SDK1: variants seen among roughly 807,000 people sequenced by gnomAD.
SDK1 encodes the protein sidekick cell adhesion molecule 1.
In SDK1, 157 loss-of-function variants were observed where a neutral mutation model predicts 245.5. The observed-to-expected ratio is 0.64, with a 90% confidence interval of 0.56 to 0.73. The LOEUF is 0.73. Among genes scored for constraint, SDK1 ranks in the 30% least tolerant of loss-of-function variants. SDK1 has a pLI of 0.00. For missense variants in SDK1, 3,583 were observed against 3,002.3 expected, an observed-to-expected ratio of 1.19 and a Z score of -4.52; for synonymous variants, 1,647 against 1,278.5, an observed-to-expected ratio of 1.29 and a Z score of -6.15.
At chr7:3,714,576 A>C (rs911055781) in intron 4 of SDK1, among the ~76,000 whole-genome samples, 4 of 152,216 alleles carry the variant, frequency 2.6e-5, no homozygotes, top group African/African-American at 9.7e-5. Flanking sequence ...TAGCATTACT[A>C]CATTGTAACA....
At chr7:3,743,555 A>G (rs533512822) in intron 4 of SDK1, among the ~76,000 whole-genome samples, 3 of 152,308 alleles carry the variant, frequency 2.0e-5, no homozygotes, top group South Asian at 4.1e-4. Flanking sequence ...TGTCTACTTT[A>G]CCAGAATGGG....
chr7:3,882,994 AG>A, intron 5 of SDK1, among the ~76,000 whole-genome samples: 1 of 152,162 alleles, frequency 6.6e-6, no homozygotes, highest in Non-Finnish European at 1.5e-5. Context: ...GCTGGCTGGA[AG>A]GGCCGCCCAG....
chr7:4,124,989 G>A (rs1250112749), intron 25 of SDK1, among the ~76,000 whole-genome samples: 1 of 151,546 alleles, frequency 6.6e-6, no homozygotes, highest in African/African-American at 2.4e-5. Flanking sequence ...ATGGATGGAT[G>A]ATAGATGGAT....
intron 4 of SDK1, among the ~76,000 whole-genome samples, chr7:3,656,537 G>C (rs1783190514): frequency 6.6e-6 from 1 of 152,066 alleles, no homozygotes; most frequent in Non-Finnish European, 1.5e-5. Flanking sequence ...AGAAAACTTT[G>C]TAATGCTGTT....
chr7:3,342,721 G>C (rs549024383), intron 1 of SDK1, among the ~76,000 whole-genome samples: 23 of 152,218 alleles, frequency 1.5e-4, no homozygotes, highest in African/African-American at 5.5e-4. Flanking sequence ...TTTTCTCCAT[G>C]AAAGAGCATA....
At chr7:3,402,105 A>G (rs890164413) in intron 1 of SDK1, among the ~76,000 whole-genome samples, 1 of 152,210 alleles carries the variant, frequency 6.6e-6, no homozygotes, top group African/African-American at 2.4e-5. Flanking sequence ...TGACTCACAG[A>G]TAGAGCAATG....
chr7:3,563,742 ATG>A (rs1410422246), intron 1 of SDK1, among the ~76,000 whole-genome samples: 3 of 152,200 alleles, frequency 2.0e-5, no homozygotes, highest in Non-Finnish European at 1.5e-5. Context: ...ACTTGAGACA[ATG>A]TGTATTTTTT....
At chr7:3,321,831 C>T (rs1222748949) in intron 1 of SDK1, among the ~76,000 whole-genome samples, 1,782 of 98,088 alleles carry the variant, frequency 0.018, 106 homozygotes, top group African/African-American at 0.069. Flanking sequence ...CTTCCTTCCT[C>T]CTTTTCTCTC....
chr7:4,078,189 G>A (rs1780819527), intron 21 of SDK1, among the ~76,000 whole-genome samples: 1 of 152,168 alleles, frequency 6.6e-6, no homozygotes, highest in African/African-American at 2.4e-5. Context: ...TTCCGTCATT[G>A]CCAAGGCTGA....
chr7:3,618,759 A>C (rs953319830), intron 1 of SDK1, among the ~76,000 whole-genome samples: 4 of 152,256 alleles, frequency 2.6e-5, no homozygotes, highest in Non-Finnish European at 5.9e-5. Context: ...TTGCCTAGTT[A>C]AAACCAAAAG....
Position 4,132,586 on chromosome 7 carries a change from G to A in SDK1, c.4228+163G>A, listed in dbSNP as rs1207250103. ...AGAAAAAATTCAGACTATTAGCCGG[G>A]CATGATGGCATGCACCTGTTGGTCC... On this transcript the variant is annotated intron_variant, in intron 28 of 44. Transcript: ENST00000404826. 5.3e-6 allele frequency: 3 copies of A among 561,596 alleles called. No homozygotes were observed. In the African/African-American group the frequency reaches 5.6e-5, roughly 10 times the overall value. 34.8% of individuals were successfully genotyped at this position (561,596 alleles called of 1,614,324 possible). A position where few individuals can be genotyped will look rare whatever the true frequency, so the allele number is the denominator to read the frequency against.
intron 20 of SDK1, among the ~76,000 whole-genome samples, chr7:4,076,559 G>GATAT (rs1554333074): frequency 6.6e-6 from 1 of 151,704 alleles, no homozygotes; most frequent in Non-Finnish European, 1.5e-5. Flanking sequence ...TAAATAGATA[G>GATAT]ATACATACAT....
At chr7:4,041,443 C>A (rs1788630572) in intron 17 of SDK1, among the ~76,000 whole-genome samples, 1 of 152,138 alleles carries the variant, frequency 6.6e-6, no homozygotes, top group Admixed American at 6.5e-5. Context: ...AGTGAACCTA[C>A]CTTGATACAT....
intron 35 of SDK1, among the ~76,000 whole-genome samples, chr7:4,197,474 C>A (rs1372045547): frequency 6.6e-6 from 1 of 151,992 alleles, no homozygotes; most frequent in African/African-American, 2.4e-5. Context: ...GGAAACAGAG[C>A]AAGACCCCAT....
intron 5 of SDK1, among the ~76,000 whole-genome samples, chr7:3,862,539 T>C (rs1780719439): frequency 6.6e-6 from 1 of 152,258 alleles, no homozygotes; most frequent in African/African-American, 2.4e-5. Flanking sequence ...GATTCCTTTC[T>C]CAGATAATGC....
At chr7:3,968,884 G>C (rs577577710) in intron 10 of SDK1, among the ~76,000 whole-genome samples, 9 of 152,218 alleles carry the variant, frequency 5.9e-5, no homozygotes, top group African/African-American at 1.9e-4. Context: ...AAAGAAAAGA[G>C]GTTGAATTGA....
At chr7:3,687,773 C>A (rs1784332950) in intron 4 of SDK1, among the ~76,000 whole-genome samples, 1 of 152,094 alleles carries the variant, frequency 6.6e-6, no homozygotes, top group African/African-American at 2.4e-5. Context: ...CACAAGAGGT[C>A]CTTGCGGTGA....
rs891010295 is a variant in SDK1, at chr7:3,732,622, T to G, written c.714-88828T>G. Among the ~76,000 whole-genome samples, 4 of 152,246 alleles carry G rather than the reference T, an allele frequency of 2.6e-5. No individual in the cohort carries two copies. In the East Asian group the frequency reaches 7.7e-4, roughly 29 times the overall value. ...GTCCTCGGGAAGCATTCAAAGAGACTGAGCAGCAAACGCTAATTAATCCTC... is the reference window on the plus strand; with the variant it reads ...GTCCTCGGGAAGCATTCAAAGAGACGGAGCAGCAAACGCTAATTAATCCTC... On this transcript the variant is annotated intron_variant, in intron 4 of 44. Coordinates refer to ENST00000404826, the MANE Select transcript of SDK1 (RefSeq NM_152744.4).
chr7:3,460,747 G>T (rs4722827), intron 1 of SDK1, among the ~76,000 whole-genome samples: 3 of 151,880 alleles, frequency 2.0e-5, no homozygotes, highest in Non-Finnish European at 2.9e-5. Flanking sequence ...CTTATTTTGG[G>T]GCTAAAAACA....
Sources: gnomAD v4.1 joint callset for allele counts (sites outside exome capture counted in the v4.1 genomes callset) on GRCh38, gnomAD v4.1.1 for gene constraint, MANE v1.5 for transcripts, NCBI Gene and HGNC (gene_info 2026-07-23, HGNC 2026-07-21) for gene names.